Variants in LGALS8 observed in about 807,000 individuals in gnomAD.
The protein encoded by LGALS8 is galectin-8.
In LGALS8, 30 loss-of-function variants were observed where a neutral mutation model predicts 35.9. The ratio of observed to expected loss-of-function variants is 0.83; its 90% CI spans 0.62 to 1.13. The LOEUF (loss-of-function observed/expected upper bound fraction) is 1.13. Ranked by LOEUF, LGALS8 falls within the 50% of genes most tolerant of loss-of-function variation. The probability of loss-of-function intolerance (pLI) is 0.00; values close to 1 mark genes in which losing one functional copy is unlikely to be tolerated. For missense variants in LGALS8, 366 were observed against 388.7 expected (o/e 0.94, Z 0.49); for synonymous variants, 138 against 136.1 (o/e 1.01, Z -0.10).
chr1:236,543,232 C>A, intron 7 of LGALS8: 1 of 635,742 alleles, frequency 1.6e-6, no homozygotes, highest in Non-Finnish European at 2.8e-6. Context: ...CACCTCCCTG[C>A]TTGGCTGCTT....
rs775436105 is a variant in LGALS8, at chr1:236,544,748, AG to A, written c.639-1del. On this transcript the variant is annotated splice_acceptor_variant, in intron 8 of 9. Coordinates refer to ENST00000366584, the MANE Select transcript of LGALS8 (RefSeq NM_201544.4). LOFTEE classifies it high-confidence loss of function. ...TTTTTTTTTTTCTTTCTTTCTCAAA[AG>A]CTTTAATGTTGACCTACTAGCAGGA... is the stretch of plus-strand genomic sequence containing the variant. 6.4e-7 allele frequency: 1 copy of A among 1,573,076 alleles called. No individual in the cohort carries two copies. Among genetic ancestry groups the A allele is most frequent in the East Asian group, 2.3e-5 (1 of 44,410 alleles).
chr1:236,546,705 T>G (rs1347833836), intron 9 of LGALS8, among the ~76,000 whole-genome samples: 1 of 152,252 alleles, frequency 6.6e-6, no homozygotes, highest in Non-Finnish European at 1.5e-5. Flanking sequence ...TTGCACTTGC[T>G]CTGATACAGT....
At chr1:236,537,616 G>T in intron 3 of LGALS8, 31 bp downstream of exon 3, 1 of 1,422,970 alleles carries the variant, frequency 7.0e-7, no homozygotes, top group South Asian at 1.1e-5. Context: ...GAAGGAGCAT[G>T]AATAGGCTGT....
At chr1:236,522,595 C>T (rs1272087419), upstream of LGALS8, among the ~76,000 whole-genome samples, 1 of 152,188 alleles carries the variant, frequency 6.6e-6, no homozygotes, top group Admixed American at 6.5e-5. Context: ...TATTCAATTG[C>T]TCCTGACTTT....
At chr1:236,518,935 C>T (rs1660477063), upstream of LGALS8, among the ~76,000 whole-genome samples, 2 of 152,110 alleles carry the variant, frequency 1.3e-5, no homozygotes, top group Admixed American at 1.3e-4. Context: ...TAGCTTGAAA[C>T]AATACGGTTC....
intron 9 of LGALS8, among the ~76,000 whole-genome samples, chr1:236,547,204 G>A (rs1662418947): frequency 6.6e-6 from 1 of 152,198 alleles, no homozygotes; most frequent in African/African-American, 2.4e-5. Context: ...CAGAGTGGGT[G>A]GAAACCCAGC....
At chr1:236,540,483 A>G in intron 4 of LGALS8, 81 bp from the exon 5 acceptor site, 2 of 1,430,142 alleles carry the variant, frequency 1.4e-6, no homozygotes, top group Non-Finnish European at 1.9e-6. Context: ...GCAAGGAAAC[A>G]TTTAAATTTG....
At chr1:236,541,168 C>T (rs1661967240) in intron 5 of LGALS8, 1 of 160,196 alleles carries the variant, frequency 6.2e-6, no homozygotes, top group Non-Finnish European at 1.4e-5. Context: ...TGGTTGCCTA[C>T]AGTATTTGGT....
At position 236,548,652 on chromosome 1, in the gene LGALS8, G is replaced by A. The variant is rs1185404198; in HGVS notation, c.*491G>A. ...TAAGGGGTCCTCTGGGATTAGTTAT[G>A]CAGATATTAAATCACCCGAAGACAC... is the stretch of plus-strand genomic sequence containing the variant. On this transcript the variant is annotated 3_prime_UTR_variant, in exon 10 of 10. Coordinates refer to ENST00000366584, the MANE Select transcript of LGALS8 (RefSeq NM_201544.4). 1.2e-5 allele frequency: 4 copies of A among 338,704 alleles called. No homozygotes were observed. The highest frequency in any genetic ancestry group is 2.1e-5 in the Non-Finnish European group (4 of 188,844). The allele number at this position is 338,704 out of a possible 1,614,324, so 21.0% of individuals were successfully genotyped here.
chr1:236,519,948 A>T (rs1028479094), upstream of LGALS8, among the ~76,000 whole-genome samples: 389 of 109,444 alleles, frequency 3.6e-3, 1 homozygote, highest in Non-Finnish European at 5.2e-3. Flanking sequence ...GTTTTGTACA[A>T]TTTTTTTTTT....
chr1:236,547,878 AAG>A, intron 9 of LGALS8, 132 bp from the exon 10 acceptor site: 1 of 765,990 alleles, frequency 1.3e-6, no homozygotes. Flanking sequence ...TGGAAGTCAG[AAG>A]GAAGTCAGCA....
At position 236,550,866 on chromosome 1, in the gene LGALS8, G is replaced by T; in HGVS notation, c.*2705G>T. ...AAATAAAAATATGAAATATGAGTGTGAACTCTGAGTAGAGTATGAAACACC... is the reference window on the plus strand; with the variant it reads ...AAATAAAAATATGAAATATGAGTGTTAACTCTGAGTAGAGTATGAAACACC... On this transcript the variant is annotated 3_prime_UTR_variant, in exon 10 of 10. Coordinates refer to ENST00000366584, the MANE Select transcript of LGALS8 (RefSeq NM_201544.4). 6.8e-7 allele frequency: 1 copy of T among 1,480,850 alleles called. No individual in the cohort carries two copies. The highest frequency in any genetic ancestry group is 9.2e-7 in the Non-Finnish European group (1 of 1,087,738). 91.7% of individuals were successfully genotyped at this position (1,480,850 alleles called of 1,614,324 possible).
intron 6 of LGALS8, among the ~76,000 whole-genome samples, chr1:236,542,009 C>T (rs907397381): frequency 6.6e-6 from 1 of 152,216 alleles, no homozygotes; most frequent in Non-Finnish European, 1.5e-5. Context: ...AGCCAGTGCA[C>T]TGGCAAATGA....
At chr1:236,529,685 A>G (rs553642976) in intron 2 of LGALS8, among the ~76,000 whole-genome samples, 2 of 97,668 alleles carry the variant, frequency 2.0e-5, no homozygotes, top group South Asian at 3.2e-4. Flanking sequence ...GGCTTGCTCT[A>G]TTGCCCATGC....
chr1:236,526,066 A>G lies in LGALS8; in HGVS notation c.-5A>G. 1 of 1,611,542 alleles carries G rather than the reference A, an allele frequency of 6.2e-7. No homozygotes were observed. Among genetic ancestry groups the G allele is most frequent in the Middle Eastern group, 1.6e-4 (1 of 6,062 alleles). ...AGACTCCAATCGACAAGAAGCTGGA[A>G]AAGAATGATGTTGTCCTTAAACAAC... is the stretch of plus-strand genomic sequence containing the variant. On this transcript the variant is annotated 5_prime_UTR_variant, in exon 2 of 10. Coordinates refer to ENST00000366584, the MANE Select transcript of LGALS8 (RefSeq NM_201544.4). The surrounding 1 kb of genome is among the most constrained non-coding windows in gnomAD (Gnocchi z 4.6).
rs973835533 is a variant in LGALS8, at chr1:236,549,359, A to G, written c.*1198A>G. The G allele has an allele frequency of 5.7e-6, 1 of 176,254 alleles. No homozygotes were observed. The highest frequency in any genetic ancestry group is 2.3e-5 in the African/African-American group (1 of 42,596). The allele number at this position is 176,254 out of a possible 1,614,324, so 10.9% of individuals were successfully genotyped here. A position where few individuals can be genotyped will look rare whatever the true frequency, so the allele number is the denominator to read the frequency against. ...ATCTTTACAGGTCAGATCTTGTTAC[A>G]GGAAATTTCAAAGGTTTGGGAGTGG... On this transcript the variant is annotated 3_prime_UTR_variant, in exon 10 of 10. Coordinates refer to ENST00000366584, the MANE Select transcript of LGALS8 (RefSeq NM_201544.4).
rs1012728928 is a variant in LGALS8 at position 236,548,836 on chromosome 1, G to A, written c.*675G>A. 1 of 397,732 alleles carries A rather than the reference G, an allele frequency of 2.5e-6. No individual in the cohort carries two copies. The highest frequency in any genetic ancestry group is 2.1e-5 in the African/African-American group (1 of 48,598). 24.6% of individuals were successfully genotyped at this position (397,732 alleles called of 1,614,324 possible). On this transcript the variant is annotated 3_prime_UTR_variant, in exon 10 of 10. Coordinates refer to ENST00000366584, the MANE Select transcript of LGALS8 (RefSeq NM_201544.4). ...GCAAGCTTTACCAAGTAATTGGCAT[G>A]ACATCTGAGCACAGAAATTAAGGCA...
intron 8 of LGALS8, among the ~76,000 whole-genome samples, chr1:236,544,391 GGAACACGGGTA>G (rs1662226342): frequency 6.6e-6 from 1 of 152,206 alleles, no homozygotes; most frequent in Non-Finnish European, 1.5e-5. Context: ...CAAGAAGGAA[GGAACACGGGTA>G]GATGATGAAA....
At chr1:236,538,680 C>A (rs937994271) in intron 3 of LGALS8, among the ~76,000 whole-genome samples, 199 bp from the exon 4 acceptor site, 1 of 152,184 alleles carries the variant, frequency 6.6e-6, no homozygotes, top group Non-Finnish European at 1.5e-5. Flanking sequence ...AGATTCAGAC[C>A]CAGTTCAAAC....
Sources: gnomAD v4.1 joint callset for allele counts (sites outside exome capture counted in the v4.1 genomes callset) on GRCh38, gnomAD v4.1.1 for gene constraint, Gnocchi (gnomAD v3.1) non-coding constraint, MANE v1.5 for transcripts, NCBI Gene and HGNC (gene_info 2026-07-23, HGNC 2026-07-21) for gene names.